The following IGF2BP1 variants were observed in gnomAD, a reference collection of about 807,000 sequenced individuals.
IGF2BP1 encodes insulin like growth factor 2 mRNA binding protein 1.
Under a neutral mutation model 74.9 loss-of-function variants are expected in IGF2BP1, and 11 were observed. The observed-to-expected ratio is 0.15, with a 90% CI of 0.09 to 0.24. The LOEUF (loss-of-function observed/expected upper bound fraction) is 0.24. Ranked by LOEUF, IGF2BP1 falls within the 10% of genes least tolerant of loss-of-function variation. The probability of loss-of-function intolerance (pLI) is 1.00; values close to 1 mark genes in which losing one functional copy is unlikely to be tolerated. For synonymous variants in IGF2BP1, 287 were observed against 281.8 expected, an observed-to-expected ratio of 1.02 and a Z score of -0.18; for missense variants, 440 against 757.4, an observed-to-expected ratio of 0.58 and a Z score of 4.92.
At chr17:48,996,763 G>A (rs1221416932), upstream of IGF2BP1, among the ~76,000 whole-genome samples, 1 of 152,170 alleles carries the variant, frequency 6.6e-6, no homozygotes, top group Non-Finnish European at 1.5e-5. Flanking sequence ...GTTCTCCACT[G>A]GGATACCCCG....
intron 14 of IGF2BP1, among the ~76,000 whole-genome samples, chr17:49,047,556 G>T (rs964550880): frequency 6.6e-6 from 1 of 151,552 alleles, no homozygotes; most frequent in African/African-American, 2.4e-5. Context: ...CTCCAAAGAT[G>T]CATAAAGCCA....
At chr17:49,012,283 T>C (rs915459934) in intron 2 of IGF2BP1, among the ~76,000 whole-genome samples, 6 of 152,122 alleles carry the variant, frequency 3.9e-5, no homozygotes, top group Non-Finnish European at 7.4e-5. Context: ...GGGAATTCTG[T>C]TGGAATGAAA....
intron 5 of IGF2BP1, among the ~76,000 whole-genome samples, chr17:49,034,382 G>C (rs1199052759): frequency 6.6e-6 from 1 of 150,560 alleles, no homozygotes; most frequent in Non-Finnish European, 1.5e-5. Flanking sequence ...GCCTCCCAAA[G>C]TGTTGGGATT....
intron 2 of IGF2BP1, among the ~76,000 whole-genome samples, chr17:49,025,025 C>T (rs147112781): frequency 6.6e-6 from 1 of 152,152 alleles, no homozygotes; most frequent in East Asian, 1.9e-4. Context: ...AACCCTGTCT[C>T]TACTGAAAAT....
Position 49,046,255 on chromosome 17 carries a change from C to T in IGF2BP1, c.1528-5C>T. ...CACCCTGAGCTCCTCTCTGGCCACC[C>T]CCAGGTGAACGAGTTGCAGAATTTG... On this transcript the variant is annotated splice_polypyrimidine_tract_variant and splice_region_variant and intron_variant, in intron 13 of 14. Transcript: ENST00000290341. 6.2e-7 allele frequency: 1 copy of T among 1,612,832 alleles called. No homozygotes were observed. The highest frequency in any genetic ancestry group is 8.5e-7 in the Non-Finnish European group (1 of 1,178,770).
At position 48,998,507 on chromosome 17, in the gene IGF2BP1, CGCGGCG is replaced by C. The variant is rs537378221; in HGVS notation, c.176-592_176-587del. On this transcript the variant is annotated intron_variant, in intron 1 of 14. Transcript: ENST00000290341. The stretch of plus-strand genomic sequence containing the variant: ...TGAAAGTGGGGCGTGAGCGGGGTGG[CGCGGCG>C]GCGGCGGCGCCGGGTCGCCATGCTG... Among the ~76,000 whole-genome samples, 66 of 152,226 alleles carry C rather than the reference CGCGGCG, an allele frequency of 4.3e-4. No homozygotes were observed. The South Asian group carries it at 0.013, about 31-fold the overall frequency.
At position 49,041,516 on chromosome 17, in the gene IGF2BP1, A is replaced by G. The variant is rs754988491; in HGVS notation, c.941+16A>G. On this transcript the variant is annotated intron_variant, in intron 8 of 14. Coordinates refer to ENST00000290341, the MANE Select transcript of IGF2BP1 (RefSeq NM_006546.4). ...CCATCTCCTCGTAAGGCTCTCTTCT[A>G]TTTCCCTGTTTATGAGTGGGGGATG... The G allele has an allele frequency of 3.1e-6, 5 of 1,613,790 alleles. No homozygotes were observed. The African/African-American group carries it at 4.0e-5, about 13-fold the overall frequency.
chr17:49,021,512 G>A (rs756089843), intron 2 of IGF2BP1, among the ~76,000 whole-genome samples: 21 of 151,812 alleles, frequency 1.4e-4, no homozygotes, highest in Non-Finnish European at 2.4e-4. Context: ...TGCCGCCCCC[G>A]TCCCCACGTG....
rs115830251 is a variant in IGF2BP1 at position 49,018,460 on chromosome 17, C to T, written c.237-7158C>T. Among the ~76,000 whole-genome samples the T allele has an allele frequency of 2.4e-3, 365 of 152,192 alleles. 2 individuals carry two copies. Among genetic ancestry groups the T allele is most frequent in the African/African-American group, 8.5e-3 (351 of 41,518 alleles). ...TCTCTACTTGTTGAGATGCCTGCAG[C>T]CATGACTGAAGACTTGGATATCTTT... On this transcript the variant is annotated intron_variant, in intron 2 of 14. Coordinates refer to ENST00000290341, the MANE Select transcript of IGF2BP1 (RefSeq NM_006546.4).
intron 2 of IGF2BP1, among the ~76,000 whole-genome samples, chr17:49,021,983 C>T (rs1273727158): frequency 2.0e-5 from 3 of 152,234 alleles, no homozygotes; most frequent in Non-Finnish European, 2.9e-5. Context: ...TAACTATTGT[C>T]AGCCCTACCC....
In IGF2BP1 at chr17:49,053,791, C is replaced by CCT. The variant is rs950485475; in HGVS notation, c.*4349_*4350dup. 6.5e-6 allele frequency: 1 copy of CCT among 152,692 alleles called. No homozygotes were observed. Among genetic ancestry groups the CCT allele is most frequent in the African/African-American group, 2.4e-5 (1 of 41,468 alleles). The allele number at this position is 152,692 out of a possible 1,614,324, so 9.5% of individuals were successfully genotyped here. A position where few individuals can be genotyped will look rare whatever the true frequency, so the allele number is the denominator to read the frequency against. On this transcript the variant is annotated 3_prime_UTR_variant, in exon 15 of 15. Transcript: ENST00000290341. ...AGCTGGTGCCTCTAGGCAACCCCTT[C>CCT]CTCCCACCTCTCATCAGGGGTGGGG...
At chr17:49,031,357 C>T (rs1408352773) in intron 4 of IGF2BP1, among the ~76,000 whole-genome samples, 1 of 152,094 alleles carries the variant, frequency 6.6e-6, no homozygotes, top group Non-Finnish European at 1.5e-5. Flanking sequence ...CCTGCCTCTG[C>T]CTCCCAAAGT....
intron 6 of IGF2BP1, 76 bp downstream of exon 6, chr17:49,038,525 G>A (rs765674801): frequency 1.5e-6 from 2 of 1,337,488 alleles, no homozygotes; most frequent in Non-Finnish European, 2.0e-6. Context: ...CCTCCTGGAA[G>A]CATGCTGGAG....
intron 5 of IGF2BP1, among the ~76,000 whole-genome samples, chr17:49,034,115 C>T (rs1423822470): frequency 6.8e-4 from 80 of 118,424 alleles, no homozygotes; most frequent in Admixed American, 9.3e-4. Context: ...TGATTTGCCC[C>T]TTTTTTTTTT....
At position 49,019,947 on chromosome 17, in the gene IGF2BP1, TATTTATATAC is replaced by T. The variant is rs1375872513; in HGVS notation, c.237-5669_237-5660del. 8.5e-4 allele frequency among the ~76,000 whole-genome samples: 32 copies of T among 37,820 alleles called. 1 individual carries two copies. Among genetic ancestry groups the T allele is most frequent in the African/African-American group, 4.4e-3 (30 of 6,878 alleles). 24.8% of individuals were successfully genotyped at this position (37,820 alleles called of 152,430 possible). A position where few individuals can be genotyped will look rare whatever the true frequency, so the allele number is the denominator to read the frequency against. On this transcript the variant is annotated intron_variant, in intron 2 of 14. Transcript: ENST00000290341. ...ATATATATATATATATATATATATATATTTATATACACACACACACACACACACATACACC... is the reference window on the plus strand; with the variant it reads ...ATATATATATATATATATATATATATACACACACACACACACACATACACC...
intron 3 of IGF2BP1, among the ~76,000 whole-genome samples, chr17:49,026,187 G>T (rs1169339520): frequency 2.0e-5 from 3 of 152,072 alleles, no homozygotes; most frequent in African/African-American, 7.2e-5. Context: ...TGTTTCCTAA[G>T]CCCTAAACTT....
chr17:49,014,305 T>A (rs2041663900), intron 2 of IGF2BP1, among the ~76,000 whole-genome samples: 1 of 111,442 alleles, frequency 9.0e-6, no homozygotes, highest in Non-Finnish European at 1.8e-5. Context: ...TCCCCCTCTG[T>A]CTCCCCCTCA....
chr17:49,013,226 C>T (rs1481686354), intron 2 of IGF2BP1, among the ~76,000 whole-genome samples: 1 of 95,604 alleles, frequency 1.0e-5, no homozygotes, highest in Non-Finnish European at 2.3e-5. Context: ...TTCTCACCCC[C>T]AAACAAATGT....
chr17:49,043,520 T>C lies in IGF2BP1; in HGVS notation c.1170T>C (p.Val390=), dbSNP rs1334031292. The change falls in exon 10 of 15, where the codon GTT becomes GTC. Residue 390 remains valine (V), a synonymous_variant. Coordinates refer to ENST00000290341, the MANE Select transcript of IGF2BP1 (RefSeq NM_006546.4). ...CAGTCCCGCCGCCTCCCAGCAGCGT[T>C]ACTGGGGCTGCTCCCTATAGCTCCT... ...SSAVPPPPSS[V]TGAAPYSSFM... The C allele has an allele frequency of 6.2e-7, 1 of 1,614,154 alleles. No individual in the cohort carries two copies. Among genetic ancestry groups the C allele is most frequent in the Non-Finnish European group, 8.5e-7 (1 of 1,179,994 alleles).
Sources: gnomAD v4.1 joint callset for allele counts (sites outside exome capture counted in the v4.1 genomes callset) on GRCh38, gnomAD v4.1.1 for gene constraint, MANE v1.5 for transcripts, NCBI Gene and HGNC (gene_info 2026-07-23, HGNC 2026-07-21) for gene names.